The following AGAP1 variants were observed in gnomAD, a reference collection of about 807,000 sequenced individuals.
AGAP1 encodes the protein arf-GAP with GTPase, ANK repeat and PH domain-containing protein 1.
Under a neutral mutation model 105.3 loss-of-function variants are expected in AGAP1, and 29 were observed. The observed-to-expected ratio is 0.28, with a 90% CI of 0.21 to 0.38. AGAP1 has a LOEUF of 0.38. Among genes scored for constraint, AGAP1 ranks in the 10% least tolerant of loss-of-function variants. The pLI is 1.00. For missense variants in AGAP1, 998 were observed against 1,165.1 expected (o/e 0.86, Z 2.09); for synonymous variants, 509 against 485.9 (o/e 1.05, Z -0.63).
intron 16 of AGAP1, among the ~76,000 whole-genome samples, chr2:236,111,218 C>T (rs1374259348): frequency 6.6e-6 from 1 of 152,156 alleles, no homozygotes; most frequent in South Asian, 2.1e-4. Context: ...TGCAGTGTTT[C>T]CAGTCACTGG....
intron 12 of AGAP1, among the ~76,000 whole-genome samples, chr2:235,938,992 G>C (rs1011150028): frequency 1.3e-5 from 2 of 152,204 alleles, no homozygotes; most frequent in Non-Finnish European, 2.9e-5. Context: ...AGGGGTTTCA[G>C]ATGCGCAGCC....
chr2:235,673,093 C>T (rs563468264), intron 1 of AGAP1, among the ~76,000 whole-genome samples: 135 of 152,320 alleles, frequency 8.9e-4, no homozygotes, highest in African/African-American at 3.0e-3. Context: ...AAAAAAGCTA[C>T]ATCTTTCACC....
intron 6 of AGAP1, chr2:235,775,916 C>A (rs1249100358): frequency 6.6e-6 from 1 of 152,178 alleles, no homozygotes; most frequent in African/African-American, 2.4e-5. Flanking sequence ...CTGTTGATTC[C>A]TTTTAAGCGT....
chr2:236,000,422 C>T lies in AGAP1; in HGVS notation c.1645+31799C>T, dbSNP rs1056904748. On this transcript the variant is annotated intron_variant, in intron 13 of 17. Coordinates refer to ENST00000304032, the MANE Select transcript of AGAP1 (RefSeq NM_001037131.3). This position sits in a 1 kb window ranked among gnomAD's most constrained non-coding sequence, Gnocchi z 4.3. ...GACTTTCTGTACAAAAATCACTACG[C>T]GTGACAGCTCAAATAATAAACAGTT... Among the ~76,000 whole-genome samples, 1 of 152,158 alleles carries T rather than the reference C, an allele frequency of 6.6e-6. No individual in the cohort carries two copies. Among genetic ancestry groups the T allele is most frequent in the East Asian group, 1.9e-4 (1 of 5,178 alleles).
intron 9 of AGAP1, among the ~76,000 whole-genome samples, chr2:235,810,599 C>T (rs1338103562): frequency 6.6e-6 from 1 of 152,218 alleles, no homozygotes; most frequent in Non-Finnish European, 1.5e-5. Context: ...TCACTTCCAT[C>T]TGATACCTCG....
At position 235,633,029 on chromosome 2, in the gene AGAP1, G is replaced by A. The variant is rs1054813640; in HGVS notation, c.164-76150G>A. On this transcript the variant is annotated intron_variant, in intron 1 of 17. Coordinates refer to ENST00000304032, the MANE Select transcript of AGAP1 (RefSeq NM_001037131.3). This position sits in a 1 kb window ranked among gnomAD's most constrained non-coding sequence, Gnocchi z 4.8. ...CCCGTGGTGCAGCCTCTGAACCCCCGACTCTTGGTGGGCTTTTGAGTTCTG... is the reference window on the plus strand; with the variant it reads ...CCCGTGGTGCAGCCTCTGAACCCCCAACTCTTGGTGGGCTTTTGAGTTCTG... Among the ~76,000 whole-genome samples, 2 of 151,990 alleles carry A rather than the reference G, an allele frequency of 1.3e-5. No individual in the cohort carries two copies. Among genetic ancestry groups the A allele is most frequent in the African/African-American group, 2.4e-5 (1 of 41,386 alleles).
At position 235,927,293 on chromosome 2, in the gene AGAP1, A is replaced by G. The variant is rs969823358; in HGVS notation, c.1325-3472A>G. 6.6e-6 allele frequency among the ~76,000 whole-genome samples: 1 copy of G among 152,096 alleles called. No homozygotes were observed. Among genetic ancestry groups the G allele is most frequent in the African/African-American group, 2.4e-5 (1 of 41,410 alleles). ...CTTGCCAGGAGGTTCGTCACCCCAGAGGTTCCAGGTTGGTTCCTTGGGGAC... is the reference window on the plus strand; with the variant it reads ...CTTGCCAGGAGGTTCGTCACCCCAGGGGTTCCAGGTTGGTTCCTTGGGGAC... On this transcript the variant is annotated intron_variant, in intron 11 of 17. Transcript: ENST00000304032. The surrounding 1 kb of genome is among the most constrained non-coding windows in gnomAD (Gnocchi z 4.4).
intron 13 of AGAP1, among the ~76,000 whole-genome samples, chr2:236,019,640 A>G (rs994223456): frequency 6.6e-6 from 1 of 152,162 alleles, no homozygotes; most frequent in Non-Finnish European, 1.5e-5. Context: ...CTGCACCTGG[A>G]CGGGGCTTAG....
rs1445774105 is a variant in AGAP1, at chr2:236,014,276, T to G, written c.1646-22285T>G. On this transcript the variant is annotated intron_variant, in intron 13 of 17. Coordinates refer to ENST00000304032, the MANE Select transcript of AGAP1 (RefSeq NM_001037131.3). This position sits in a 1 kb window ranked among gnomAD's most constrained non-coding sequence, Gnocchi z 6.3. ...GGGTTTTGCTGCTGTAGGTATTGCC[T>G]GAATCAAAATCTGTCTCGGGAAGAC... Among the ~76,000 whole-genome samples the G allele has an allele frequency of 6.6e-6, 1 of 152,194 alleles. No individual in the cohort carries two copies. Among genetic ancestry groups the G allele is most frequent in the Non-Finnish European group, 1.5e-5 (1 of 68,034 alleles).
In AGAP1 at chr2:235,693,616, G is replaced by A. The variant is rs115539915; in HGVS notation, c.164-15563G>A. 2.5e-3 allele frequency among the ~76,000 whole-genome samples: 387 copies of A among 151,926 alleles called. 5 individuals are homozygous for A. The highest frequency in any genetic ancestry group is 8.7e-3 in the African/African-American group (361 of 41,548). ...CTCACGGCTGTAGTCCTAGGTACTCGAAGCTGCGGCGGGAGGATCACGAGC... is the reference window on the plus strand; with the variant it reads ...CTCACGGCTGTAGTCCTAGGTACTCAAAGCTGCGGCGGGAGGATCACGAGC... On this transcript the variant is annotated intron_variant, in intron 1 of 17. Coordinates refer to ENST00000304032, the MANE Select transcript of AGAP1 (RefSeq NM_001037131.3).
rs2053105638 is a variant in AGAP1 at position 235,938,673 on chromosome 2, ACG to A, written c.1483+7751_1483+7752del. ...AAGACTTACATTCTGCACTAAGAGG[ACG>A]AGAGAGGTTCTGAATGTCTCACTGG... On this transcript the variant is annotated intron_variant, in intron 12 of 17. Coordinates refer to ENST00000304032, the MANE Select transcript of AGAP1 (RefSeq NM_001037131.3). Among the ~76,000 whole-genome samples, 4 of 152,110 alleles carry A rather than the reference ACG, an allele frequency of 2.6e-5. No individual in the cohort carries two copies. The East Asian group carries it at 7.7e-4, about 29-fold the overall frequency.
In AGAP1 at chr2:235,578,800, A is replaced by AAATT. The variant is rs367778173; in HGVS notation, c.163+83951_163+83952insAATT. Among the ~76,000 whole-genome samples the AAATT allele has an allele frequency of 2.4e-3, 330 of 139,802 alleles. 3 individuals are homozygous for AAATT. The highest frequency in any genetic ancestry group is 7.9e-3 in the African/African-American group (287 of 36,170). 91.7% of individuals were successfully genotyped at this position (139,802 alleles called of 152,430 possible). A position where few individuals can be genotyped will look rare whatever the true frequency, so the allele number is the denominator to read the frequency against. On this transcript the variant is annotated intron_variant, in intron 1 of 17. Transcript: ENST00000304032. This position sits in a 1 kb window ranked among gnomAD's most constrained non-coding sequence, Gnocchi z 4.9. ...ACTCAGTCTCAAAAAAAAAAAAAAA[A>AAATT]TTTTTTTTTTACAATAAGCTATTTA...
At chr2:235,850,492 C>G (rs1213796625) in intron 9 of AGAP1, among the ~76,000 whole-genome samples, 2 of 152,186 alleles carry the variant, frequency 1.3e-5, no homozygotes, top group Non-Finnish European at 2.9e-5. Flanking sequence ...GCTCTGCCAC[C>G]CCGCATTAGT....
intron 13 of AGAP1, among the ~76,000 whole-genome samples, chr2:236,011,891 G>A (rs935908848): frequency 2.6e-5 from 4 of 151,984 alleles, no homozygotes; most frequent in Non-Finnish European, 4.4e-5. Context: ...GAGCCTCCTG[G>A]TTCCATTTGG....
At position 235,866,809 on chromosome 2, in the gene AGAP1, TC is replaced by T. The variant is rs2049192248; in HGVS notation, c.1051-16535del. Among the ~76,000 whole-genome samples the T allele has an allele frequency of 6.6e-6, 1 of 152,204 alleles. No individual in the cohort carries two copies. The highest frequency in any genetic ancestry group is 2.4e-5 in the African/African-American group (1 of 41,460). On this transcript the variant is annotated intron_variant, in intron 9 of 17. Transcript: ENST00000304032. This position sits in a 1 kb window ranked among gnomAD's most constrained non-coding sequence, Gnocchi z 6.1. Reference sequence around the variant, plus strand: ...TCTCCCTGTGTCTTCACGTGGTCTTTCTCCGTGAGTGTCTGTGTCCTGATCT... The same window carrying T: ...TCTCCCTGTGTCTTCACGTGGTCTTTTCCGTGAGTGTCTGTGTCCTGATCT...
intron 16 of AGAP1, among the ~76,000 whole-genome samples, chr2:236,116,481 C>T (rs1259000863): frequency 1.3e-5 from 2 of 151,796 alleles, no homozygotes; most frequent in Non-Finnish European, 2.9e-5. Context: ...TCCTGAGTAG[C>T]TGGGATTACA....
Position 235,752,611 on chromosome 2 carries a change from G to T in AGAP1, c.673+2123G>T, listed in dbSNP as rs138041280. On this transcript the variant is annotated intron_variant, in intron 6 of 17. Transcript: ENST00000304032. This position sits in a 1 kb window ranked among gnomAD's most constrained non-coding sequence, Gnocchi z 4.3. ...AGAAGCCCAGAATATTCACTCTCTG[G>T]CCCCGTGCAGAGAGCTTGCCGGTCC... Among the ~76,000 whole-genome samples, 2 of 152,250 alleles carry T rather than the reference G, an allele frequency of 1.3e-5. No individual in the cohort carries two copies. The highest frequency in any genetic ancestry group is 2.4e-5 in the African/African-American group (1 of 41,532).
Position 236,009,118 on chromosome 2 carries a change from A to G in AGAP1, c.1646-27443A>G, listed in dbSNP as rs1370100293. 6.6e-6 allele frequency among the ~76,000 whole-genome samples: 1 copy of G among 152,212 alleles called. No individual in the cohort carries two copies. Among genetic ancestry groups the G allele is most frequent in the Non-Finnish European group, 1.5e-5 (1 of 68,030 alleles). On this transcript the variant is annotated intron_variant, in intron 13 of 17. Transcript: ENST00000304032. This position sits in a 1 kb window ranked among gnomAD's most constrained non-coding sequence, Gnocchi z 4.2. Reference sequence around the variant, plus strand: ...AGCGGCCATCATGTCAAGCCCCTTCACAGCTAAAGTAGTGAGTTCACATAG... The same window carrying G: ...AGCGGCCATCATGTCAAGCCCCTTCGCAGCTAAAGTAGTGAGTTCACATAG...
intron 6 of AGAP1, among the ~76,000 whole-genome samples, chr2:235,794,673 T>TGTTG (rs1215137225): frequency 6.6e-6 from 1 of 152,136 alleles, no homozygotes; most frequent in African/African-American, 2.4e-5. Context: ...GATTTCACCA[T>TGTTG]GTTGGCCAGG....
Sources: gnomAD v4.1 joint callset for allele counts (sites outside exome capture counted in the v4.1 genomes callset) on GRCh38, gnomAD v4.1.1 for gene constraint, Gnocchi (gnomAD v3.1) non-coding constraint, MANE v1.5 for transcripts, NCBI Gene and HGNC (gene_info 2026-07-23, HGNC 2026-07-21) for gene names.